YBX3: variants seen among roughly 807,000 people sequenced by gnomAD.
YBX3 encodes Y-box-binding protein 3.
Under a neutral mutation model 42.4 loss-of-function variants are expected in YBX3, and 29 were observed. The observed-to-expected ratio is 0.68, with a 90% CI of 0.51 to 0.93. The LOEUF is 0.93. Ranked by LOEUF, YBX3 falls within the 40% of genes least tolerant of loss-of-function variation. The pLI is 0.00. For missense variants in YBX3, 517 were observed against 527.5 expected (o/e 0.98, Z 0.19); for synonymous variants, 195 against 189.8 (o/e 1.03, Z -0.22).
At position 10,723,263 on chromosome 12, in the gene YBX3, G is replaced by T. The variant is rs1432239713; in HGVS notation, c.-152C>A. ...GCGGCGGCCGAGGTGGGGTCGCGCG[G>T]CGGAGGCGGCTCGAGCTTCGTGCTG... On this transcript the variant is annotated 5_prime_UTR_variant, in exon 1 of 10. Coordinates refer to ENST00000228251, the MANE Select transcript of YBX3 (RefSeq NM_003651.5). 3.5e-6 allele frequency: 4 copies of T among 1,141,494 alleles called. No homozygotes were observed. The African/African-American group carries it at 4.9e-5, about 14-fold the overall frequency. The allele number at this position is 1,141,494 out of a possible 1,614,324, so 70.7% of individuals were successfully genotyped here. A position where few individuals can be genotyped will look rare whatever the true frequency, so the allele number is the denominator to read the frequency against.
chr12:10,702,029 TC>T lies in YBX3; in HGVS notation c.983del (p.Gly328AspfsTer60), dbSNP rs760021843. On this transcript the variant is annotated frameshift_variant, in exon 8 of 10. Transcript: ENST00000228251. LOFTEE classifies it high-confidence loss of function. ...SGPNQPSVRR[G>X]YRRPYNYRRR... is the part of the protein sequence containing the mutation. ...GCCGGTAATTGTAGGGACGCCGGTA[TC>T]CACGGCGAACAGACGGCTGGTTTGG... is the stretch of plus-strand genomic sequence containing the variant. The T allele has an allele frequency of 6.2e-7, 1 of 1,613,954 alleles. No individual in the cohort carries two copies. The highest frequency in any genetic ancestry group is 8.5e-7 in the Non-Finnish European group (1 of 1,179,988).
intron 4 of YBX3, among the ~76,000 whole-genome samples, chr12:10,714,397 T>C (rs1948236049): frequency 6.6e-6 from 1 of 152,196 alleles, no homozygotes; most frequent in East Asian, 1.9e-4. Flanking sequence ...TTTTTAATCT[T>C]ACTCAATATT....
At chr12:10,707,739 CCT>C (rs1346488084) in intron 6 of YBX3, among the ~76,000 whole-genome samples, 1 of 152,166 alleles carries the variant, frequency 6.6e-6, no homozygotes, top group Non-Finnish European at 1.5e-5. Context: ...TCTGACCTCC[CCT>C]GAGATCTCAC....
chr12:10,706,091 C>T (rs1948133668), intron 6 of YBX3, among the ~76,000 whole-genome samples: 1 of 151,992 alleles, frequency 6.6e-6, no homozygotes. Context: ...AACCATGGAA[C>T]ACACACACAC....
intron 6 of YBX3, among the ~76,000 whole-genome samples, chr12:10,706,515 T>C (rs1948138544): frequency 6.6e-6 from 1 of 152,212 alleles, no homozygotes; most frequent in African/African-American, 2.4e-5. Flanking sequence ...GCTTAATCTC[T>C]ACTTATCAAC....
At chr12:10,707,019 A>AAATAAATAAAT (rs1948145738) in intron 6 of YBX3, among the ~76,000 whole-genome samples, 1 of 149,496 alleles carries the variant, frequency 6.7e-6, no homozygotes, top group Non-Finnish European at 1.5e-5. Context: ...TCCATCTCAA[A>AAATAAATAAAT]AAATAAATAA....
In YBX3 at chr12:10,713,250, T is replaced by C; in HGVS notation, c.534A>G (p.Arg178=). ...CACGGCGCCTTCCATAGTAGCCACG[T>C]CTGTAACGGCGCCGATCTGCAGCGT... ...SRYAADRRRY[R]RGYYGRRRGP... is the part of the protein sequence containing the mutation. Residue 178 remains arginine, a synonymous_variant, in exon 5 of 10, where the codon AGA becomes AGG. Transcript: ENST00000228251. 1.2e-6 allele frequency: 2 copies of C among 1,614,068 alleles called. No individual in the cohort carries two copies. Among genetic ancestry groups the C allele is most frequent in the South Asian group, 1.1e-5 (1 of 91,076 alleles).
chr12:10,700,107 C>T (rs369308131), intron 9 of YBX3, among the ~76,000 whole-genome samples: 16 of 152,106 alleles, frequency 1.1e-4, no homozygotes, highest in African/African-American at 3.9e-4. Context: ...AGGGTATGGC[C>T]ATTTTTATAT....
intron 9 of YBX3, among the ~76,000 whole-genome samples, chr12:10,700,782 G>A (rs1460412100): frequency 6.6e-6 from 1 of 152,054 alleles, no homozygotes; most frequent in African/African-American, 2.4e-5. Flanking sequence ...CCTGCAATGG[G>A]TAGATAAACC....
intron 1 of YBX3, chr12:10,720,828 T>C (rs1181924511): frequency 1.3e-5 from 2 of 152,214 alleles, no homozygotes; most frequent in South Asian, 2.1e-4. Context: ...CTCTCCAATG[T>C]AGTTTAAAAA....
chr12:10,713,969 C>T (rs950492751), intron 4 of YBX3, among the ~76,000 whole-genome samples: 1 of 152,112 alleles, frequency 6.6e-6, no homozygotes, highest in African/African-American at 2.4e-5. Flanking sequence ...AAAATGTAGA[C>T]CAAGAAGATT....
rs1012294596 is a variant in YBX3, at chr12:10,702,224, A to G, written c.879-90T>C. On this transcript the variant is annotated intron_variant, in intron 7 of 9. Coordinates refer to ENST00000228251, the MANE Select transcript of YBX3 (RefSeq NM_003651.5). Reference sequence around the variant, plus strand: ...GTTTTATTTATTTTTAAAAATTAAAAAGTCAAGTGATCAGGGCCAGGCATG... The same window carrying G: ...GTTTTATTTATTTTTAAAAATTAAAGAGTCAAGTGATCAGGGCCAGGCATG... 5 of 1,354,170 alleles carry G rather than the reference A, an allele frequency of 3.7e-6. No homozygotes were observed. In the African/African-American group the frequency reaches 7.4e-5, roughly 20 times the overall value. 83.9% of individuals were successfully genotyped at this position (1,354,170 alleles called of 1,614,324 possible). A position where few individuals can be genotyped will look rare whatever the true frequency, so the allele number is the denominator to read the frequency against.
chr12:10,722,974 C>A lies in YBX3; in HGVS notation c.138G>T (p.Pro46=). 2.4e-6 allele frequency: 3 copies of A among 1,236,302 alleles called. No homozygotes were observed. Among genetic ancestry groups the A allele is most frequent in the Non-Finnish European group, 3.0e-6 (3 of 994,432 alleles). 76.6% of individuals were successfully genotyped at this position (1,236,302 alleles called of 1,614,324 possible). ...VGSGAPQAAA[P]APAAHVAGNP... ...TTCCTGCGACGTGGGCGGCGGGCGC[C>A]GGGGCCGCGGCCTGGGGCGCACCGC... The change falls in exon 1 of 10, where the codon CCG becomes CCT. Residue 46 remains proline, a synonymous_variant. Coordinates refer to ENST00000228251, the MANE Select transcript of YBX3 (RefSeq NM_003651.5).
intron 7 of YBX3, chr12:10,703,368 A>C (rs1948101726): frequency 6.2e-6 from 1 of 162,266 alleles, no homozygotes; most frequent in African/African-American, 2.4e-5. Flanking sequence ...TTATGGAAGG[A>C]GTCTAGCCTA....
chr12:10,720,741 A>G (rs1948315143), intron 1 of YBX3: 2 of 152,216 alleles, frequency 1.3e-5, no homozygotes, highest in South Asian at 4.1e-4. Context: ...GATTAAAATG[A>G]CAATACTAAT....
intron 3 of YBX3, among the ~76,000 whole-genome samples, chr12:10,716,498 C>T (rs1948264078): frequency 6.6e-6 from 1 of 152,178 alleles, no homozygotes; most frequent in East Asian, 1.9e-4. Flanking sequence ...AGATGCTATT[C>T]TTCATTAAAC....
chr12:10,715,071 G>C (rs1361933569), intron 4 of YBX3, among the ~76,000 whole-genome samples: 1 of 151,824 alleles, frequency 6.6e-6, no homozygotes, highest in African/African-American at 2.4e-5. Context: ...TTAATATATT[G>C]TTAATACATA....
intron 1 of YBX3, chr12:10,721,779 G>A (rs1948328319): frequency 6.6e-6 from 1 of 152,194 alleles, no homozygotes; most frequent in Admixed American, 6.5e-5. Flanking sequence ...TAGTGAAGAG[G>A]TCTCCGAAGC....
chr12:10,707,581 C>T (rs943149732), intron 6 of YBX3, among the ~76,000 whole-genome samples: 2 of 152,220 alleles, frequency 1.3e-5, no homozygotes, highest in African/African-American at 4.8e-5. Flanking sequence ...CAGCTGTTCT[C>T]CCTGCTTTTA....
Sources: allele counts gnomAD v4.1 joint callset (sites outside exome capture counted in the v4.1 genomes callset), GRCh38; gene constraint gnomAD v4.1.1; transcripts MANE v1.5; gene names NCBI Gene and HGNC (gene_info 2026-07-23, HGNC 2026-07-21).